LPP: variants seen among roughly 807,000 people sequenced by gnomAD.
LPP encodes LIM domain containing preferred translocation partner in lipoma, also known as lipoma-preferred partner.
A neutral mutation model predicts 60.4 loss-of-function variants in LPP; 38 were observed. That is an observed-to-expected ratio of 0.63 (90% CI 0.49 to 0.83). The LOEUF is 0.83. Ranked by LOEUF, LPP falls within the 40% of genes least tolerant of loss-of-function variation. The probability of loss-of-function intolerance (pLI) is 0.00; values close to 1 mark genes in which losing one functional copy is unlikely to be tolerated. For synonymous variants in LPP, 328 were observed against 290.8 expected, an observed-to-expected ratio of 1.13 and a Z score of -1.30; for missense variants, 902 against 783.6, an observed-to-expected ratio of 1.15 and a Z score of -1.80.
At position 188,588,220 on chromosome 3, in the gene LPP, C is replaced by G. The variant is rs984864855; in HGVS notation, c.430-20941C>G. Among the ~76,000 whole-genome samples, 3 of 152,220 alleles carry G rather than the reference C, an allele frequency of 2.0e-5. No homozygotes were observed. The South Asian group carries it at 6.2e-4, about 32-fold the overall frequency. ...TGTGTTTTTCAAGACAAAATGTCAC[C>G]CTCAGCTAAACAGAAGTAATTTGCA... On this transcript the variant is annotated intron_variant, in intron 6 of 11. Coordinates refer to ENST00000617246, the MANE Select transcript of LPP (RefSeq NM_001375462.1).
rs1284087974 is a variant in LPP at position 188,609,227 on chromosome 3, A to G, written c.496A>G (p.Ile166Val). 1.9e-6 allele frequency: 3 copies of G among 1,613,954 alleles called. No homozygotes were observed. The highest frequency in any genetic ancestry group is 1.7e-4 in the Middle Eastern group (1 of 6,060). The change falls in exon 7 of 12, where the codon ATC (isoleucine) becomes GTC (valine). Residue 166 changes from isoleucine to valine, a missense_variant. By Grantham distance (29) the Ile-to-Val change is conservative. Coordinates refer to ENST00000617246, the MANE Select transcript of LPP (RefSeq NM_001375462.1). The surrounding 1 kb of genome is among the most constrained non-coding windows in gnomAD (Gnocchi z 6.9). ...TPVTGHKRMVIPNQPPLTATK... is the reference protein window; with the variant it reads ...TPVTGHKRMVVPNQPPLTATK... ...AGTCACAGGACACAAGAGAATGGTC[A>G]TCCCGAACCAACCCCCTCTAACAGC...
chr3:188,664,825 G>A (rs1027557547), intron 7 of LPP, among the ~76,000 whole-genome samples: 5 of 152,154 alleles, frequency 3.3e-5, no homozygotes, highest in Non-Finnish European at 5.9e-5. Flanking sequence ...TAAAATTAGG[G>A]GAAACTGGGA....
chr3:188,818,168 GAC>G (rs904579806), intron 9 of LPP, among the ~76,000 whole-genome samples: 1 of 152,162 alleles, frequency 6.6e-6, no homozygotes, highest in African/African-American at 2.4e-5. Flanking sequence ...ACTTGCTCAA[GAC>G]ACCACAGCAA....
At chr3:188,517,448 C>G (rs1209064780) in intron 5 of LPP, among the ~76,000 whole-genome samples, 1 of 152,206 alleles carries the variant, frequency 6.6e-6, no homozygotes, top group Non-Finnish European at 1.5e-5. Flanking sequence ...CCCTCCAAAT[C>G]TCATGTTGAA....
At chr3:188,661,778 C>T (rs1006219023) in intron 7 of LPP, among the ~76,000 whole-genome samples, 3 of 152,192 alleles carry the variant, frequency 2.0e-5, no homozygotes, top group African/African-American at 7.2e-5. Context: ...GACATGCACC[C>T]TGCCTCATCT....
intron 4 of LPP, among the ~76,000 whole-genome samples, chr3:188,444,258 G>A (rs1193350660): frequency 1.3e-5 from 2 of 151,466 alleles, no homozygotes; most frequent in African/African-American, 4.9e-5. Context: ...AAATAATATA[G>A]GGCTGTAAGG....
intron 4 of LPP, among the ~76,000 whole-genome samples, chr3:188,473,384 T>C (rs1273027666): frequency 1.3e-5 from 2 of 152,218 alleles, no homozygotes; most frequent in Non-Finnish European, 2.9e-5. Flanking sequence ...TTGCATTTTA[T>C]TGCCTTGTCA....
intron 3 of LPP, among the ~76,000 whole-genome samples, chr3:188,373,169 G>A (rs576439127): frequency 4.6e-4 from 70 of 152,108 alleles, no homozygotes; most frequent in Non-Finnish European, 7.2e-4. Context: ...ATAAACATAC[G>A]TGTGCATGTG....
intron 7 of LPP, among the ~76,000 whole-genome samples, chr3:188,694,983 G>A (rs1011766601): frequency 2.0e-5 from 3 of 152,136 alleles, no homozygotes; most frequent in South Asian, 2.1e-4. Flanking sequence ...CTTTTGTTGC[G>A]GTTAAGCATC....
chr3:188,887,040 C>T lies in LPP; in HGVS notation c.*12561C>T. On this transcript the variant is annotated 3_prime_UTR_variant, in exon 12 of 12. Transcript: ENST00000617246. ...AAAAGGGTAAAGAACTATTCTTGGT[C>T]ATTATTGATGTATTGTGTTGCCACT... 4.3e-6 allele frequency: 1 copy of T among 231,030 alleles called. No individual in the cohort carries two copies. 14.3% of individuals were successfully genotyped at this position (231,030 alleles called of 1,614,324 possible). A position where few individuals can be genotyped will look rare whatever the true frequency, so the allele number is the denominator to read the frequency against.
intron 8 of LPP, among the ~76,000 whole-genome samples, chr3:188,736,732 A>G (rs1448657267): frequency 2.0e-5 from 3 of 152,016 alleles, no homozygotes. Flanking sequence ...GGATAGATAG[A>G]TAGATACATA....
At chr3:188,449,074 G>A (rs961253478) in intron 4 of LPP, among the ~76,000 whole-genome samples, 4 of 152,172 alleles carry the variant, frequency 2.6e-5, no homozygotes, top group African/African-American at 9.7e-5. Context: ...TCCAAAAGAC[G>A]TTGGAAGCAA....
At chr3:188,313,818 G>A (rs61550490) in intron 2 of LPP, among the ~76,000 whole-genome samples, 2 of 152,064 alleles carry the variant, frequency 1.3e-5, no homozygotes, top group African/African-American at 4.8e-5. Context: ...GGAGCACTGA[G>A]ATTTTTCTTC....
intron 9 of LPP, among the ~76,000 whole-genome samples, chr3:188,819,881 C>T (rs954723027): frequency 2.0e-5 from 3 of 152,064 alleles, no homozygotes; most frequent in Non-Finnish European, 4.4e-5. Context: ...GGAGTGTGCC[C>T]AAACCTATAT....
chr3:188,860,982 C>T (rs188404341), intron 9 of LPP, among the ~76,000 whole-genome samples: 2 of 152,328 alleles, frequency 1.3e-5, no homozygotes, highest in East Asian at 1.9e-4. Flanking sequence ...TTTATTGTAA[C>T]TCCCAATCTG....
chr3:188,372,694 GT>G (rs1237807246), intron 3 of LPP, among the ~76,000 whole-genome samples: 1,833 of 139,138 alleles, frequency 0.013, 28 homozygotes, highest in African/African-American at 0.042. Context: ...GCTTCTTTTT[GT>G]TTTTTTTTTT....
intron 4 of LPP, among the ~76,000 whole-genome samples, chr3:188,413,848 A>C (rs775612413): frequency 5.9e-5 from 9 of 152,142 alleles, no homozygotes; most frequent in Non-Finnish European, 1.3e-4. Flanking sequence ...ATGCTTTTCT[A>C]ATCCATATCC....
intron 6 of LPP, among the ~76,000 whole-genome samples, chr3:188,529,206 A>T (rs1821483420): frequency 6.6e-6 from 1 of 152,264 alleles, no homozygotes; most frequent in Non-Finnish European, 1.5e-5. Flanking sequence ...TAAAATATTA[A>T]AAGTATGTGC....
chr3:188,271,439 C>T (rs1445095244), intron 2 of LPP, among the ~76,000 whole-genome samples: 1 of 152,178 alleles, frequency 6.6e-6, no homozygotes, highest in Non-Finnish European at 1.5e-5. Flanking sequence ...ACAGCTTCCT[C>T]ACACCTCAAG....
Sources: allele counts gnomAD v4.1 joint callset (sites outside exome capture counted in the v4.1 genomes callset), GRCh38; gene constraint gnomAD v4.1.1; non-coding constraint Gnocchi (gnomAD v3.1); transcripts MANE v1.5; gene names NCBI Gene and HGNC (gene_info 2026-07-23, HGNC 2026-07-21).